Variants in THSD7B observed in about 807,000 individuals in gnomAD.
The protein encoded by THSD7B is thrombospondin type-1 domain-containing protein 7B.
A neutral mutation model predicts 213.6 loss-of-function variants in THSD7B; 138 were observed. The observed-to-expected ratio is 0.65, with a 90% CI of 0.56 to 0.74. THSD7B has a LOEUF of 0.74. THSD7B is among the 30% of genes least tolerant of loss of function. THSD7B has a pLI of 0.00. For synonymous variants in THSD7B, 742 were observed against 687.0 expected (o/e 1.08, Z -1.25); for missense variants, 1,931 against 1,991.5 (o/e 0.97, Z 0.58).
At chr2:137,149,482 C>A (rs911288913) in intron 5 of THSD7B, among the ~76,000 whole-genome samples, 1 of 152,186 alleles carries the variant, frequency 6.6e-6, no homozygotes, top group Non-Finnish European at 1.5e-5. Flanking sequence ...TAGTGAATCC[C>A]ATGAGCCTTC....
At chr2:137,342,132 A>T (rs759893907) in intron 12 of THSD7B, among the ~76,000 whole-genome samples, 2 of 151,662 alleles carry the variant, frequency 1.3e-5, no homozygotes, top group Non-Finnish European at 3.0e-5. Flanking sequence ...CTTTCAATCC[A>T]TGAGCATGGA....
At chr2:137,118,819 A>G (rs538600207) in intron 5 of THSD7B, among the ~76,000 whole-genome samples, 1 of 152,168 alleles carries the variant, frequency 6.6e-6, no homozygotes, top group African/African-American at 2.4e-5. Context: ...AAAGAGGTTT[A>G]ATGAACTCAC....
intron 2 of THSD7B, among the ~76,000 whole-genome samples, chr2:137,047,445 C>G (rs553097363): frequency 6.6e-6 from 1 of 152,106 alleles, no homozygotes; most frequent in Non-Finnish European, 1.5e-5. Context: ...GAGGAGAAAG[C>G]GCAGTGAAAG....
At chr2:136,776,860 G>GCA (rs145111981) in intron 1 of THSD7B, among the ~76,000 whole-genome samples, 10 of 151,740 alleles carry the variant, frequency 6.6e-5, no homozygotes, top group Admixed American at 3.3e-4. Context: ...ACACACGTAT[G>GCA]CACACACACA....
At chr2:136,911,521 T>C (rs1386008363) in intron 2 of THSD7B, among the ~76,000 whole-genome samples, 1 of 152,230 alleles carries the variant, frequency 6.6e-6, no homozygotes, top group South Asian at 2.1e-4. Flanking sequence ...CAATAGCAGT[T>C]TCATTAAGGA....
At position 137,281,020 on chromosome 2, in the gene THSD7B, T is replaced by C. The variant is rs184434465; in HGVS notation, c.2500+4994T>C. 9.9e-5 allele frequency among the ~76,000 whole-genome samples: 15 copies of C among 152,264 alleles called. No homozygotes were observed. In the East Asian group the frequency reaches 2.9e-3, roughly 29 times the overall value. On this transcript the variant is annotated intron_variant, in intron 12 of 27. Coordinates refer to ENST00000409968, the MANE Select transcript of THSD7B (RefSeq NM_001316349.2). ...TCTGTCAGCGACAGACTTGACATTA[T>C]GGCACTGTAATGGATACAGAGTAGG...
At chr2:136,834,223 A>C (rs139427129) in intron 1 of THSD7B, among the ~76,000 whole-genome samples, 1 of 152,228 alleles carries the variant, frequency 6.6e-6, no homozygotes, top group East Asian at 1.9e-4. Flanking sequence ...GTCAGCATCT[A>C]TCCTGTTGGT....
rs372831964 is a variant in THSD7B at position 136,976,900 on chromosome 2, C to T, written c.140-79520C>T. On this transcript the variant is annotated intron_variant, in intron 2 of 27. Transcript: ENST00000409968. The stretch of plus-strand genomic sequence containing the variant: ...CCTCCCAAAGTGCTGGGATTACAGG[C>T]GTGAGCCACCGCGCCTGGCTGAAGT... Among the ~76,000 whole-genome samples the T allele has an allele frequency of 5.5e-4, 84 of 152,278 alleles. No individual in the cohort carries two copies. The East Asian group carries it at 0.016, about 28-fold the overall frequency.
intron 15 of THSD7B, among the ~76,000 whole-genome samples, chr2:137,510,857 T>C (rs990360601): frequency 6.6e-6 from 1 of 152,198 alleles, no homozygotes; most frequent in Non-Finnish European, 1.5e-5. Flanking sequence ...CCTTTGTGTT[T>C]ATACTATTCG....
At chr2:137,437,159 A>G (rs766334071) in intron 14 of THSD7B, among the ~76,000 whole-genome samples, 55 of 152,166 alleles carry the variant, frequency 3.6e-4, no homozygotes, top group Non-Finnish European at 6.8e-4. Flanking sequence ...GTACATTCTA[A>G]TCCCAGATGA....
intron 2 of THSD7B, among the ~76,000 whole-genome samples, chr2:136,932,451 A>T (rs1459119783): frequency 1.4e-5 from 2 of 146,000 alleles, no homozygotes; most frequent in African/African-American, 2.4e-5. Flanking sequence ...AAATCTGCTT[A>T]TAACTTTTGA....
In THSD7B at chr2:137,260,756, C is replaced by T. The variant is rs145934803; in HGVS notation, c.2267-11777C>T. On this transcript the variant is annotated intron_variant, in intron 10 of 27. Coordinates refer to ENST00000409968, the MANE Select transcript of THSD7B (RefSeq NM_001316349.2). ...TTCCAGCCTAGGTGACAGAGTGAGA[C>T]GCTGTCTCAAAAAATAAATAAATAA... Among the ~76,000 whole-genome samples the T allele has an allele frequency of 5.0e-3, 765 of 152,250 alleles. 3 individuals carry two copies. The highest frequency in any genetic ancestry group is 0.017 in the African/African-American group (713 of 41,550).
intron 14 of THSD7B, among the ~76,000 whole-genome samples, chr2:137,416,225 G>A (rs1440088980): frequency 6.6e-6 from 1 of 152,146 alleles, no homozygotes; most frequent in Non-Finnish European, 1.5e-5. Context: ...GGAGCCATCA[G>A]CCATCATACT....
chr2:137,014,231 T>A (rs1437803022), intron 2 of THSD7B, among the ~76,000 whole-genome samples: 1 of 152,186 alleles, frequency 6.6e-6, no homozygotes, highest in African/African-American at 2.4e-5. Flanking sequence ...AGTTAGGACG[T>A]GGTCGAGGAA....
intron 2 of THSD7B, among the ~76,000 whole-genome samples, chr2:137,021,069 C>T (rs1228213479): frequency 6.6e-6 from 1 of 152,126 alleles, no homozygotes; most frequent in Non-Finnish European, 1.5e-5. Context: ...TGTGGAACTG[C>T]AGAGTTTTTC....
intron 1 of THSD7B, among the ~76,000 whole-genome samples, chr2:136,778,760 G>C (rs375872790): frequency 1.3e-5 from 2 of 152,094 alleles, no homozygotes; most frequent in African/African-American, 4.8e-5. Context: ...AGATAGAAGA[G>C]AATGAAATGA....
intron 17 of THSD7B, among the ~76,000 whole-genome samples, chr2:137,576,461 T>C (rs1159134534): frequency 2.0e-5 from 3 of 152,084 alleles, no homozygotes; most frequent in Non-Finnish European, 4.4e-5. Context: ...GGAAACTTCA[T>C]GATCAAAAAG....
At chr2:137,293,506 C>CTATT (rs111819194) in intron 12 of THSD7B, among the ~76,000 whole-genome samples, 7,674 of 151,578 alleles carry the variant, frequency 0.051, 454 homozygotes, top group African/African-American at 0.14. Context: ...TTCTCTCTCT[C>CTATT]TCTATCTTTC....
chr2:137,434,013 C>G (rs944321911), intron 14 of THSD7B, among the ~76,000 whole-genome samples: 4 of 152,278 alleles, frequency 2.6e-5, no homozygotes, highest in Admixed American at 2.6e-4. Flanking sequence ...TTAGCTATAA[C>G]TCTCAGCTTT....
Sources: allele counts gnomAD v4.1 joint callset (sites outside exome capture counted in the v4.1 genomes callset), GRCh38; gene constraint gnomAD v4.1.1; transcripts MANE v1.5; gene names NCBI Gene and HGNC (gene_info 2026-07-23, HGNC 2026-07-21).